CLOCK: variants seen among roughly 807,000 people sequenced by gnomAD.
CLOCK encodes the protein clock circadian regulator.
Under a neutral mutation model 118.4 loss-of-function variants are expected in CLOCK, and 43 were observed. The observed-to-expected ratio is 0.36, with a 90% CI of 0.28 to 0.47. The LOEUF (loss-of-function observed/expected upper bound fraction) is 0.47. Among genes scored for constraint, CLOCK ranks in the 20% least tolerant of loss-of-function variants. The pLI is 1.00. For synonymous variants in CLOCK, 326 were observed against 339.2 expected (o/e 0.96, Z 0.43); for missense variants, 846 against 999.9 (o/e 0.85, Z 2.08).
Position 55,509,526 on chromosome 4 carries a change from G to C in CLOCK, c.-136+386C>G, listed in dbSNP as rs571663272. 2.6e-5 allele frequency among the ~76,000 whole-genome samples: 4 copies of C among 152,244 alleles called. No homozygotes were observed. The South Asian group carries it at 8.3e-4, about 32-fold the overall frequency. ...GCTTGTAAAGAGGAGCTGCAGTCTG[G>C]CTCTTCTTTTACCTCAGTCAGCTGA... On this transcript the variant is annotated intron_variant, in intron 2 of 22. Coordinates refer to ENST00000513440, the MANE Select transcript of CLOCK (RefSeq NM_004898.4).
intron 1 of CLOCK, among the ~76,000 whole-genome samples, chr4:55,536,491 G>T (rs1409377161): frequency 2.0e-5 from 3 of 152,130 alleles, no homozygotes; most frequent in African/African-American, 7.2e-5. Context: ...AGATCTGGTT[G>T]TTGAAAAGTC....
At chr4:55,455,101 C>T (rs1317368164) in intron 13 of CLOCK, among the ~76,000 whole-genome samples, 4 of 152,042 alleles carry the variant, frequency 2.6e-5, no homozygotes, top group African/African-American at 7.2e-5. Context: ...CAGCATAAAA[C>T]GTCATGAAAA....
intron 1 of CLOCK, among the ~76,000 whole-genome samples, chr4:55,535,468 AG>A (rs1368259733): frequency 6.6e-6 from 1 of 152,144 alleles, no homozygotes; most frequent in Non-Finnish European, 1.5e-5. Context: ...ATAATTTGGA[AG>A]GTCAAAGCAG....
At chr4:55,540,151 G>A (rs932370715) in intron 1 of CLOCK, among the ~76,000 whole-genome samples, 6 of 151,736 alleles carry the variant, frequency 4.0e-5, no homozygotes, top group African/African-American at 1.5e-4. Context: ...GGGATTACAG[G>A]CACCCGCCAC....
At chr4:55,481,653 C>T (rs1726942835) in intron 4 of CLOCK, among the ~76,000 whole-genome samples, 1 of 152,080 alleles carries the variant, frequency 6.6e-6, no homozygotes. Context: ...GAGCTGTCCC[C>T]AGATGTCAAA....
At position 55,448,707 on chromosome 4, in the gene CLOCK, A is replaced by T. The variant is rs910709302; in HGVS notation, c.1539+72T>A. 1.5e-5 allele frequency: 20 copies of T among 1,331,356 alleles called. No individual in the cohort carries two copies. The African/African-American group carries it at 1.9e-4, about 13-fold the overall frequency. The allele number at this position is 1,331,356 out of a possible 1,614,324, so 82.5% of individuals were successfully genotyped here. A position where few individuals can be genotyped will look rare whatever the true frequency, so the allele number is the denominator to read the frequency against. On this transcript the variant is annotated intron_variant, in intron 18 of 22. Coordinates refer to ENST00000513440, the MANE Select transcript of CLOCK (RefSeq NM_004898.4). ...TGCTTGCCAGCAAGCCTGGATTTTT[A>T]AAAAAATTACATTAGCTTAAAAGCA...
In CLOCK at chr4:55,511,210, T is replaced by C. The variant is rs1182757523; in HGVS notation, c.-289-1145A>G. Among the ~76,000 whole-genome samples, 5 of 152,008 alleles carry C rather than the reference T, an allele frequency of 3.3e-5. No individual in the cohort carries two copies. The East Asian group carries it at 9.6e-4, about 29-fold the overall frequency. On this transcript the variant is annotated intron_variant, in intron 1 of 22. Coordinates refer to ENST00000513440, the MANE Select transcript of CLOCK (RefSeq NM_004898.4). The stretch of plus-strand genomic sequence containing the variant: ...AAGCACTTTACTATGTGTAAAGCCC[T>C]GTTTTAAGCACTTGACATATATTTA...
chr4:55,474,597 C>T (rs1287369728), intron 7 of CLOCK, among the ~76,000 whole-genome samples: 1 of 152,194 alleles, frequency 6.6e-6, no homozygotes, highest in Non-Finnish European at 1.5e-5. Flanking sequence ...GGCTTCAAAG[C>T]TTCAAAAGAC....
chr4:55,499,971 G>A (rs1018186411), intron 2 of CLOCK, among the ~76,000 whole-genome samples: 6 of 152,090 alleles, frequency 3.9e-5, no homozygotes, highest in Non-Finnish European at 7.4e-5. Context: ...CCAGAGAGAC[G>A]GCTTTCTTCT....
intron 1 of CLOCK, among the ~76,000 whole-genome samples, chr4:55,524,878 T>C (rs773852316): frequency 4.6e-5 from 7 of 152,042 alleles, no homozygotes; most frequent in Non-Finnish European, 8.8e-5. Context: ...TGATGATATC[T>C]CCAGACTTAT....
chr4:55,532,321 C>T (rs561307266), intron 1 of CLOCK, among the ~76,000 whole-genome samples: 17 of 152,130 alleles, frequency 1.1e-4, no homozygotes, highest in East Asian at 5.8e-4. Flanking sequence ...CTAGATAGAG[C>T]AATTAGGCAA....
chr4:55,539,904 T>C (rs1393968382), intron 1 of CLOCK, among the ~76,000 whole-genome samples: 1 of 152,000 alleles, frequency 6.6e-6, no homozygotes, highest in African/African-American at 2.4e-5. Flanking sequence ...ATCATATAAG[T>C]ATACATATAC....
At chr4:55,476,642 C>T (rs1377295388) in intron 6 of CLOCK, among the ~76,000 whole-genome samples, 2 of 152,058 alleles carry the variant, frequency 1.3e-5, no homozygotes, top group African/African-American at 4.8e-5. Context: ...TCTTAGTGTC[C>T]TCCTTGTACA....
At chr4:55,540,966 T>C (rs908630701) in intron 1 of CLOCK, 2 of 152,192 alleles carry the variant, frequency 1.3e-5, no homozygotes, top group Non-Finnish European at 2.9e-5. Flanking sequence ...AAAAGCAAAT[T>C]ATATCCGAAA....
At chr4:55,540,065 T>C (rs975180891) in intron 1 of CLOCK, among the ~76,000 whole-genome samples, 4 of 150,220 alleles carry the variant, frequency 2.7e-5, no homozygotes, top group African/African-American at 9.8e-5. Flanking sequence ...TGGAGTGCAA[T>C]GGCGTGATCT....
At chr4:55,542,906 T>A (rs758675370) in intron 1 of CLOCK, among the ~76,000 whole-genome samples, 1 of 152,238 alleles carries the variant, frequency 6.6e-6, no homozygotes, top group African/African-American at 2.4e-5. Context: ...ACCCTAAAAC[T>A]TGGACTCTAA....
chr4:55,532,725 T>C (rs1211283096), intron 1 of CLOCK, among the ~76,000 whole-genome samples: 2 of 152,064 alleles, frequency 1.3e-5, no homozygotes, highest in African/African-American at 2.4e-5. Flanking sequence ...CATATACTTT[T>C]AGTCCCAGCT....
intron 9 of CLOCK, among the ~76,000 whole-genome samples, chr4:55,463,465 A>G (rs929309710): frequency 6.6e-6 from 1 of 152,140 alleles, no homozygotes; most frequent in Non-Finnish European, 1.5e-5. Flanking sequence ...AGGATTTATT[A>G]TAACAAATAA....
intron 8 of CLOCK, among the ~76,000 whole-genome samples, chr4:55,466,132 G>A (rs773880298): frequency 2.0e-5 from 3 of 152,138 alleles, no homozygotes; most frequent in Non-Finnish European, 4.4e-5. Context: ...TGTGTCATGG[G>A]AGGGGCTGAG....
Sources: gnomAD v4.1 joint callset for allele counts (sites outside exome capture counted in the v4.1 genomes callset) on GRCh38, gnomAD v4.1.1 for gene constraint, MANE v1.5 for transcripts, NCBI Gene and HGNC (gene_info 2026-07-23, HGNC 2026-07-21) for gene names.